Variants in PFKP observed in about 807,000 individuals in gnomAD.
PFKP encodes the protein ATP-dependent 6-phosphofructokinase, platelet type.
PFKP carries 101 observed loss-of-function variants against 94.3 expected under a neutral mutation model. The ratio of observed to expected loss-of-function variants is 1.07; its 90% CI spans 0.91 to 1.26. PFKP has a LOEUF of 1.26. Among genes scored for constraint, PFKP ranks in the 50% most tolerant of loss-of-function variants. PFKP has a pLI of 0.00. For missense variants in PFKP, 1,145 were observed against 1,103.3 expected (o/e 1.04, Z -0.53); for synonymous variants, 573 against 432.6 (o/e 1.32, Z -4.03).
In PFKP at chr10:3,108,715, G is replaced by T; in HGVS notation, c.885G>T (p.Gln295His). 1.2e-6 allele frequency: 2 copies of T among 1,613,788 alleles called. No individual in the cohort carries two copies. Among genetic ancestry groups the T allele is most frequent in the Non-Finnish European group, 1.7e-6 (2 of 1,179,726 alleles). The change falls in exon 9 of 22, where the codon CAG becomes CAT. Residue 295 changes from glutamine to histidine, a missense_variant. Physicochemically the swap from Gln to His is conservative, Grantham distance 24. This residue lies in a region of PFKP where 1,119 missense variants were observed against 1,062.8 expected (regional missense o/e 1.05). Coordinates refer to ENST00000381125, the MANE Select transcript of PFKP (RefSeq NM_002627.5). ...SEKIKELVVTQLGYDTRVTIL... is the reference protein window; with the variant it reads ...SEKIKELVVTHLGYDTRVTIL... ...TTTCCTTGCAGCTTGTCGTCACGCAGCTGGGCTATGACACACGTGTGACCA... is the reference window on the plus strand; with the variant it reads ...TTTCCTTGCAGCTTGTCGTCACGCATCTGGGCTATGACACACGTGTGACCA...
intron 15 of PFKP, 90 bp downstream of exon 15, chr10:3,118,959 A>G (rs1230901724): frequency 5.1e-5 from 45 of 890,486 alleles, no homozygotes; most frequent in Non-Finnish European, 7.4e-5. Flanking sequence ...GCTACTGGCC[A>G]CGATCCGAGA....
At chr10:3,082,072 G>T (rs1159543997) in intron 1 of PFKP, among the ~76,000 whole-genome samples, 1 of 136,020 alleles carries the variant, frequency 7.4e-6, no homozygotes, top group South Asian at 2.4e-4. Flanking sequence ...CACACACACA[G>T]AATTTGGCTA....
chr10:3,131,104 T>C (rs1343250093), intron 17 of PFKP, among the ~76,000 whole-genome samples: 5 of 151,972 alleles, frequency 3.3e-5, no homozygotes, highest in African/African-American at 1.2e-4. Flanking sequence ...CATATATTTT[T>C]ATAATATATA....
intron 16 of PFKP, among the ~76,000 whole-genome samples, chr10:3,123,698 A>G (rs1252631820): frequency 2.6e-5 from 4 of 152,240 alleles, no homozygotes; most frequent in Non-Finnish European, 1.5e-5. Flanking sequence ...TGAAAAGCAT[A>G]AGGAGACTCC....
At chr10:3,074,936 G>A (rs778979268) in intron 1 of PFKP, among the ~76,000 whole-genome samples, 17 of 152,166 alleles carry the variant, frequency 1.1e-4, no homozygotes, top group Non-Finnish European at 1.5e-4. Flanking sequence ...CTTCAGAGCC[G>A]AGAGCCCAGA....
At position 3,136,376 on chromosome 10, in the gene PFKP, G is replaced by A. The variant is rs577115692; in HGVS notation, c.2226-74G>A. 155 of 1,529,888 alleles carry A rather than the reference G, an allele frequency of 1.0e-4. 1 individual carries two copies. Among genetic ancestry groups the A allele is most frequent in the South Asian group, 8.0e-4 (70 of 87,282 alleles). The allele number at this position is 1,529,888 out of a possible 1,614,324, so 94.8% of individuals were successfully genotyped here. ...CCCTGTGTTTCTGGCAAGACCGCTC[G>A]CTGTGCTGGCCAGGCGGAGGCATCT... On this transcript the variant is annotated intron_variant, in intron 21 of 21. Coordinates refer to ENST00000381125, the MANE Select transcript of PFKP (RefSeq NM_002627.5).
At chr10:3,095,899 C>T (rs557852021) in intron 2 of PFKP, among the ~76,000 whole-genome samples, 3 of 152,294 alleles carry the variant, frequency 2.0e-5, no homozygotes, top group South Asian at 4.1e-4. Flanking sequence ...ACTTAGCTCA[C>T]GCATGCACTA....
chr10:3,113,216 C>T (rs3816700), intron 12 of PFKP, 28 bp downstream of exon 12: 1,012,396 of 1,601,648 alleles, frequency 0.63, 324,587 homozygotes, highest in East Asian at 0.79. Context: ...CGCGATGCCC[C>T]GACCTCTCCT....
chr10:3,103,881 G>A lies in PFKP; in HGVS notation c.557G>A (p.Gly186Asp). The A allele has an allele frequency of 6.2e-7, 1 of 1,614,004 alleles. No homozygotes were observed. Among genetic ancestry groups the A allele is most frequent in the East Asian group, 2.2e-5 (1 of 44,872 alleles). ...TTCTGCGGCACCGACATGACCATCG[G>A]CACGGACTCCGCCCTGCACAGGATC... ...NDFCGTDMTI[G>D]TDSALHRIIE... The change falls in exon 5 of 22, where the codon GGC becomes GAC. Residue 186 changes from glycine to aspartate, a missense_variant. By Grantham distance (94) the Gly-to-Asp change is moderately conservative. Coordinates refer to ENST00000381125, the MANE Select transcript of PFKP (RefSeq NM_002627.5).
At chr10:3,126,201 G>A (rs1372105693) in intron 16 of PFKP, among the ~76,000 whole-genome samples, 1 of 152,206 alleles carries the variant, frequency 6.6e-6, no homozygotes, top group African/African-American at 2.4e-5. Context: ...GCAGGGAAGG[G>A]AGCAGAGGAG....
intron 14 of PFKP, among the ~76,000 whole-genome samples, 162 bp downstream of exon 14, chr10:3,117,008 C>T (rs927009872): frequency 2.0e-5 from 3 of 152,194 alleles, no homozygotes; most frequent in Non-Finnish European, 4.4e-5. Flanking sequence ...TGGAACTGCC[C>T]GTGTTCCAGG....
rs549302379 is a variant in PFKP at position 3,103,638 on chromosome 10, A to G, written c.455-141A>G. The G allele has an allele frequency of 2.4e-4, 195 of 822,770 alleles. No individual in the cohort carries two copies. In the African/African-American group the frequency reaches 2.6e-3, roughly 11 times the overall value. 51.0% of individuals were successfully genotyped at this position (822,770 alleles called of 1,614,324 possible). ...TGAGACCCTGTCTCAGAAAAATGAT[A>G]ATAAAGAAATGATACCAATAACAAA... On this transcript the variant is annotated intron_variant, in intron 4 of 21. Transcript: ENST00000381125.
intron 10 of PFKP, among the ~76,000 whole-genome samples, chr10:3,111,060 A>G (rs1383362493): frequency 6.7e-6 from 1 of 149,884 alleles, no homozygotes; most frequent in African/African-American, 2.5e-5. Flanking sequence ...ATGTGTATAT[A>G]TGTGTGTGAG....
Position 3,134,491 on chromosome 10 carries a change from A to G in PFKP, c.2031A>G (p.Ala677=). ...NVLGHMQQGG[A]PSPFDRNFGT... The stretch of plus-strand genomic sequence containing the variant: ...ACTCTAACCACCAACAGGGTGGGGC[A>G]CCCTCTCCATTTGATAGAAACTTTG... The change falls in exon 20 of 22, where the codon GCA becomes GCG. Residue 677 remains alanine, a synonymous_variant. Coordinates refer to ENST00000381125, the MANE Select transcript of PFKP (RefSeq NM_002627.5). 1 of 1,609,976 alleles carries G rather than the reference A, an allele frequency of 6.2e-7. No individual in the cohort carries two copies. The highest frequency in any genetic ancestry group is 8.5e-7 in the Non-Finnish European group (1 of 1,176,252).
Position 3,107,199 on chromosome 10 carries a change from T to C in PFKP, c.775-15T>C. On this transcript the variant is annotated splice_polypyrimidine_tract_variant and intron_variant, in intron 7 of 21. Coordinates refer to ENST00000381125, the MANE Select transcript of PFKP (RefSeq NM_002627.5). ...GGATTAGGAATTTGAGAGCTTTAAT[T>C]TTCTGTCTCCACAGAACCGTGCCCG... 1.3e-6 allele frequency: 2 copies of C among 1,521,642 alleles called. No individual in the cohort carries two copies. Among genetic ancestry groups the C allele is most frequent in the Non-Finnish European group, 1.8e-6 (2 of 1,096,886 alleles). 94.3% of individuals were successfully genotyped at this position (1,521,642 alleles called of 1,614,324 possible). A position where few individuals can be genotyped will look rare whatever the true frequency, so the allele number is the denominator to read the frequency against.
chr10:3,120,714 C>T (rs891876780), intron 16 of PFKP, among the ~76,000 whole-genome samples: 4 of 152,088 alleles, frequency 2.6e-5, no homozygotes, highest in Non-Finnish European at 5.9e-5. Flanking sequence ...GGCTTGAGTG[C>T]GGTGGTGTGA....
intron 13 of PFKP, among the ~76,000 whole-genome samples, chr10:3,115,415 T>TCTTGCAGCTGATTACA (rs1564327374): frequency 1.3e-5 from 1 of 77,382 alleles, no homozygotes; most frequent in Admixed American, 1.2e-4. Flanking sequence ...TGAAGGTGTG[T>TCTTGCAGCTGATTACA]GTCCCGCCAT....
intron 13 of PFKP, among the ~76,000 whole-genome samples, chr10:3,114,598 AGAGGCATGCCGAG>A (rs1836605137): frequency 6.6e-6 from 1 of 152,256 alleles, no homozygotes; most frequent in Admixed American, 6.5e-5. Context: ...AGCAGTGCTC[AGAGGCATGCCGAG>A]GAGGGCCTGC....
rs1770266068 is a variant in PFKP, at chr10:3,118,770, G to A, written c.1443-12G>A. 12 of 1,606,464 alleles carry A rather than the reference G, an allele frequency of 7.5e-6. No individual in the cohort carries two copies. The highest frequency in any genetic ancestry group is 1.3e-5 in the African/African-American group (1 of 74,750). On this transcript the variant is annotated splice_polypyrimidine_tract_variant and intron_variant, in intron 14 of 21. Coordinates refer to ENST00000381125, the MANE Select transcript of PFKP (RefSeq NM_002627.5). ...GGGTGTCTGACATCGTTCTCCACGT[G>A]GCTATTTTCAGCGTTCTCCCGGGGA...
Sources: allele counts gnomAD v4.1 joint callset (sites outside exome capture counted in the v4.1 genomes callset), GRCh38; gene constraint gnomAD v4.1.1; regional missense constraint gnomAD v4.1.1; transcripts MANE v1.5; gene names NCBI Gene and HGNC (gene_info 2026-07-23, HGNC 2026-07-21).